TPO: variants seen among roughly 807,000 people sequenced by gnomAD.
TPO encodes the protein thyroid microsomal antigen.
Under a neutral mutation model 96.9 loss-of-function variants are expected in TPO, and 78 were observed. The observed-to-expected ratio is 0.81, with a 90% CI of 0.67 to 0.97. TPO has a LOEUF of 0.97. Among genes scored for constraint, TPO ranks in the 50% least tolerant of loss-of-function variants. The probability of loss-of-function intolerance (pLI) is 0.00; values close to 1 mark genes in which losing one functional copy is unlikely to be tolerated. For synonymous variants in TPO, 547 were observed against 538.0 expected (o/e 1.02, Z -0.23); for missense variants, 1,252 against 1,274.8 (o/e 0.98, Z 0.27).
At chr2:1,418,416 A>G (rs1558259850) in intron 2 of TPO, among the ~76,000 whole-genome samples, 1 of 152,204 alleles carries the variant, frequency 6.6e-6, no homozygotes, top group Non-Finnish European at 1.5e-5. Context: ...GCTGGTGCTC[A>G]GACTGGGTGG....
chr2:1,537,834 T>C (rs114236776), intron 15 of TPO, among the ~76,000 whole-genome samples: 14 of 24,104 alleles, frequency 5.8e-4, no homozygotes, highest in South Asian at 4.5e-3. Flanking sequence ...AGCAACCTCC[T>C]CAAATCCCCC....
intron 15 of TPO, among the ~76,000 whole-genome samples, chr2:1,534,002 T>C (rs1279917814): frequency 1.0e-4 from 7 of 68,748 alleles, no homozygotes; most frequent in Admixed American, 1.8e-4. Context: ...TCACTCTGTG[T>C]AATCTCCCCA....
rs528818396 is a variant in TPO, at chr2:1,421,332, C to A, written c.95-1713C>A. 3.9e-5 allele frequency among the ~76,000 whole-genome samples: 6 copies of A among 152,332 alleles called. No individual in the cohort carries two copies. The South Asian group carries it at 1.2e-3, about 32-fold the overall frequency. On this transcript the variant is annotated intron_variant, in intron 2 of 16. Coordinates refer to ENST00000329066, the MANE Select transcript of TPO (RefSeq NM_001206744.2). The stretch of plus-strand genomic sequence containing the variant: ...AACTTCTCTCTTCAGAGCACACTTG[C>A]GAGGCCCTCGGCCAAGAGCTGTGCA...
At position 1,477,036 on chromosome 2, in the gene TPO, A is replaced by G. The variant is rs1022054480; in HGVS notation, c.820-50A>G. On this transcript the variant is annotated intron_variant, in intron 7 of 16. Coordinates refer to ENST00000329066, the MANE Select transcript of TPO (RefSeq NM_001206744.2). Reference sequence around the variant, plus strand: ...CGGCCTCGAACTTCCAGAGTCTTACAAAGGGTGCACGGGGGCCCTGGGTGA... The same window carrying G: ...CGGCCTCGAACTTCCAGAGTCTTACGAAGGGTGCACGGGGGCCCTGGGTGA... 3.8e-6 allele frequency: 6 copies of G among 1,575,760 alleles called. No homozygotes were observed. The African/African-American group carries it at 8.0e-5, about 21-fold the overall frequency.
chr2:1,537,824 A>AGCAACCTCCTCAAATCCCCCCACTGTGT (rs1392215453), intron 15 of TPO, among the ~76,000 whole-genome samples: 1 of 43,282 alleles, frequency 2.3e-5, no homozygotes, highest in African/African-American at 1.0e-4. Flanking sequence ...CCCCACTGTG[A>AGCAACCTCCTCAAATCCCCCCACTGTGT]GCAACCTCCT....
intron 13 of TPO, among the ~76,000 whole-genome samples, chr2:1,502,949 C>T (rs947523236): frequency 4.6e-5 from 7 of 152,270 alleles, no homozygotes; most frequent in Admixed American, 1.3e-4. Context: ...GGTGGCCAGC[C>T]GACCACCCCA....
intron 15 of TPO, among the ~76,000 whole-genome samples, chr2:1,533,418 C>CA: frequency 7.5e-6 from 1 of 133,172 alleles, no homozygotes; most frequent in Non-Finnish European, 1.6e-5. Context: ...CTCAAATCCC[C>CA]CCAAATGTGT....
chr2:1,530,202 T>A (rs1474573107), intron 15 of TPO, among the ~76,000 whole-genome samples: 1 of 10,204 alleles, frequency 9.8e-5, no homozygotes, highest in African/African-American at 6.5e-4. Flanking sequence ...CCCAAATCCC[T>A]CCCACTGTGT....
intron 15 of TPO, among the ~76,000 whole-genome samples, chr2:1,536,796 T>G (rs1679757704): frequency 1.0e-5 from 1 of 99,976 alleles, no homozygotes; most frequent in Non-Finnish European, 1.9e-5. Flanking sequence ...TCCCCCGCAA[T>G]CTGTGCAACC....
At chr2:1,412,009 TC>T (rs1314500350), upstream of TPO, among the ~76,000 whole-genome samples, 1 of 152,188 alleles carries the variant, frequency 6.6e-6, no homozygotes, top group Admixed American at 6.5e-5. Context: ...CCAAGAAGAA[TC>T]CCATTCACTC....
chr2:1,433,701 T>A (rs1210381296), intron 4 of TPO, 94 bp downstream of exon 4: 8 of 1,468,100 alleles, frequency 5.4e-6, no homozygotes, highest in Non-Finnish European at 7.5e-6. Flanking sequence ...GGCATGTTTT[T>A]TACTTGAGAC....
At chr2:1,379,678 C>A (rs1661778771) in intron 1 of TPO, among the ~76,000 whole-genome samples, 1 of 152,188 alleles carries the variant, frequency 6.6e-6, no homozygotes, top group South Asian at 2.1e-4. Flanking sequence ...GGGGACTAAA[C>A]ACAAGGGTTT....
intron 5 of TPO, among the ~76,000 whole-genome samples, chr2:1,443,671 G>T (rs1335719595): frequency 7.3e-6 from 1 of 136,304 alleles, no homozygotes; most frequent in African/African-American, 2.9e-5. Flanking sequence ...AGTCACTGCT[G>T]CAGGAGGCAC....
At chr2:1,395,862 A>G (rs139837490) in intron 1 of TPO, among the ~76,000 whole-genome samples, 135 of 152,298 alleles carry the variant, frequency 8.9e-4, no homozygotes, top group South Asian at 2.1e-3. Context: ...CCGCCATGTA[A>G]GAGGTGCCTT....
chr2:1,400,184 C>A (rs560015081), intron 1 of TPO, among the ~76,000 whole-genome samples: 68 of 152,282 alleles, frequency 4.5e-4, no homozygotes, highest in African/African-American at 1.6e-3. Context: ...GAAGTTGCAA[C>A]CAGCTATTAA....
At chr2:1,433,904 T>C (rs1372650479) in intron 4 of TPO, among the ~76,000 whole-genome samples, 1 of 152,206 alleles carries the variant, frequency 6.6e-6, no homozygotes, top group Admixed American at 6.5e-5. Flanking sequence ...TTAGGAATTT[T>C]CCCATAGCCC....
intron 13 of TPO, among the ~76,000 whole-genome samples, chr2:1,498,748 C>T (rs1439856329): frequency 1.3e-5 from 2 of 152,116 alleles, no homozygotes; most frequent in African/African-American, 4.8e-5. Context: ...TCTGTGTAAA[C>T]TCGTGGTTGC....
At chr2:1,528,693 C>T (rs1291598426) in intron 15 of TPO, among the ~76,000 whole-genome samples, 1 of 135,108 alleles carries the variant, frequency 7.4e-6, no homozygotes, top group Non-Finnish European at 1.6e-5. Context: ...ATCCCCCCTA[C>T]CTTGTGCAAC....
chr2:1,402,571 T>A (rs55781504), intron 1 of TPO, among the ~76,000 whole-genome samples: 66,537 of 151,898 alleles, frequency 0.44, 15,521 homozygotes, highest in South Asian at 0.61. Flanking sequence ...GGGCTCACAA[T>A]TTCATATGGC....
Sources: gnomAD v4.1 joint callset for allele counts (sites outside exome capture counted in the v4.1 genomes callset) on GRCh38, gnomAD v4.1.1 for gene constraint, MANE v1.5 for transcripts, NCBI Gene and HGNC (gene_info 2026-07-23, HGNC 2026-07-21) for gene names.